The following NREP variants were observed in gnomAD, a reference collection of about 807,000 sequenced individuals.
NREP encodes the protein neuronal regeneration related protein.
In NREP, 5 loss-of-function variants were observed where a neutral mutation model predicts 8.6. The observed-to-expected ratio is 0.58, with a 90% CI of 0.30 to 1.22. The LOEUF is 1.22. NREP is among the 50% of genes most tolerant of loss of function. The probability of loss-of-function intolerance (pLI) is 0.07; values close to 1 mark genes in which losing one functional copy is unlikely to be tolerated. For synonymous variants in NREP, 27 were observed against 28.0 expected, an observed-to-expected ratio of 0.96 and a Z score of 0.11; for missense variants, 86 against 82.5, an observed-to-expected ratio of 1.04 and a Z score of -0.17.
chr5:111,780,048 AG>A (rs550402505), intron 2 of NREP, among the ~76,000 whole-genome samples: 91 of 152,326 alleles, frequency 6.0e-4, no homozygotes, highest in Non-Finnish European at 1.1e-3. Context: ...TGCAATGCAG[AG>A]GGGGAAATTG....
intron 2 of NREP, among the ~76,000 whole-genome samples, chr5:111,875,053 T>C (rs1452043550): frequency 4.6e-5 from 7 of 152,138 alleles, no homozygotes; most frequent in Admixed American, 3.3e-4. Flanking sequence ...TTCCAAAGAG[T>C]AGATTTGTAT....
upstream of NREP, chr5:111,757,735 G>T (rs889850749): frequency 9.0e-5 from 89 of 984,464 alleles, no homozygotes; most frequent in Non-Finnish European, 1.0e-4. Flanking sequence ...GCCCCGCCCC[G>T]GGAGCACGGC....
chr5:111,827,507 T>G (rs1752656855), intron 2 of NREP, among the ~76,000 whole-genome samples: 1 of 152,230 alleles, frequency 6.6e-6, no homozygotes. Flanking sequence ...CCATTTACAG[T>G]GCTTTTCCAG....
chr5:111,826,527 G>A (rs1053268512), intron 2 of NREP, among the ~76,000 whole-genome samples: 4 of 152,172 alleles, frequency 2.6e-5, no homozygotes, highest in East Asian at 3.9e-4. Flanking sequence ...AACTCCAGAC[G>A]CATCTGAACA....
intron 2 of NREP, among the ~76,000 whole-genome samples, chr5:111,903,793 T>C (rs558121494): frequency 7.9e-5 from 12 of 152,276 alleles, no homozygotes; most frequent in Admixed American, 5.2e-4. Flanking sequence ...ATTTCTTCTC[T>C]AGATTTTCCA....
chr5:111,804,573 A>T (rs1752091428), intron 2 of NREP, among the ~76,000 whole-genome samples: 1 of 152,222 alleles, frequency 6.6e-6, no homozygotes, highest in Non-Finnish European at 1.5e-5. Flanking sequence ...TCATGCAGAA[A>T]ATAATTTGTC....
At chr5:111,900,183 C>T (rs1306726147) in intron 2 of NREP, among the ~76,000 whole-genome samples, 2 of 151,796 alleles carry the variant, frequency 1.3e-5, no homozygotes, top group African/African-American at 2.4e-5. Context: ...AAGCAACATG[C>T]TCATGGGTCA....
At chr5:111,861,961 T>G (rs910768337) in intron 2 of NREP, among the ~76,000 whole-genome samples, 1 of 152,168 alleles carries the variant, frequency 6.6e-6, no homozygotes, top group Non-Finnish European at 1.5e-5. Flanking sequence ...ATTTTCTTAT[T>G]TACCTTTTTA....
chr5:111,914,430 TACCTTTCTC>T lies in NREP; in HGVS notation c.135+60835_135+60843del, dbSNP rs532494712. Among the ~76,000 whole-genome samples the T allele has an allele frequency of 5.2e-3, 793 of 152,276 alleles. 5 individuals are homozygous for T. Among genetic ancestry groups the T allele is most frequent in the Non-Finnish European group, 7.8e-3 (530 of 68,014 alleles). On this transcript the variant is annotated intron_variant, in intron 2 of 3. Transcript: ENST00000395634. ...CCACTTCCTTATTTGAAGGTGTTCT[TACCTTTCTC>T]AGCATTCCACAAGTTACTTCCTCCT...
intron 2 of NREP, among the ~76,000 whole-genome samples, chr5:111,805,968 TAGATTCCAC>T (rs1000381544): frequency 3.3e-5 from 5 of 151,292 alleles, no homozygotes; most frequent in African/African-American, 1.2e-4. Context: ...GTATGTTAAT[TAGATTCCAC>T]AGTGTACATG....
intron 2 of NREP, among the ~76,000 whole-genome samples, chr5:111,832,497 C>T (rs951449721): frequency 6.6e-6 from 1 of 152,102 alleles, no homozygotes; most frequent in Non-Finnish European, 1.5e-5. Flanking sequence ...CATCACTGCA[C>T]TCCTGCCTGG....
chr5:111,840,753 C>G (rs924153225), intron 2 of NREP, among the ~76,000 whole-genome samples: 2 of 152,032 alleles, frequency 1.3e-5, no homozygotes, highest in African/African-American at 4.8e-5. Flanking sequence ...CTTAACTCCA[C>G]AAGTCAAGGA....
intron 2 of NREP, among the ~76,000 whole-genome samples, chr5:111,904,509 T>C (rs1581206120): frequency 1.3e-5 from 2 of 152,124 alleles, no homozygotes; most frequent in Admixed American, 1.3e-4. Flanking sequence ...AATTATATAG[T>C]ATGTAGGCTT....
At chr5:111,799,950 C>T (rs1435226462) in intron 2 of NREP, among the ~76,000 whole-genome samples, 6 of 152,064 alleles carry the variant, frequency 3.9e-5, no homozygotes, top group East Asian at 3.9e-4. Flanking sequence ...GATGGAGTCT[C>T]GCTCCGTCAC....
intron 2 of NREP, among the ~76,000 whole-genome samples, chr5:111,930,966 T>A (rs1436723716): frequency 6.6e-6 from 1 of 152,226 alleles, no homozygotes; most frequent in Non-Finnish European, 1.5e-5. Context: ...ACTTATGCCA[T>A]CATTGTGCAT....
chr5:111,832,842 G>T (rs1369921400), intron 2 of NREP, among the ~76,000 whole-genome samples: 1 of 152,130 alleles, frequency 6.6e-6, no homozygotes, highest in African/African-American at 2.4e-5. Flanking sequence ...TGCCACCCAG[G>T]TGGTACCTTG....
intron 2 of NREP, among the ~76,000 whole-genome samples, chr5:111,781,510 G>A (rs1045999361): frequency 6.6e-6 from 1 of 152,154 alleles, no homozygotes; most frequent in African/African-American, 2.4e-5. Context: ...ACATCAGGCA[G>A]CACAGGCAGG....
At chr5:111,859,504 C>T (rs1431618637) in intron 2 of NREP, among the ~76,000 whole-genome samples, 1 of 151,994 alleles carries the variant, frequency 6.6e-6, no homozygotes, top group East Asian at 1.9e-4. Flanking sequence ...CTATTTAGTG[C>T]AAATTAGGAA....
intron 2 of NREP, among the ~76,000 whole-genome samples, chr5:111,967,956 A>G (rs1223369335): frequency 6.6e-6 from 1 of 152,212 alleles, no homozygotes; most frequent in Non-Finnish European, 1.5e-5. Flanking sequence ...AACTCCTATT[A>G]GGTTGGTGCA....
Sources: gnomAD v4.1 joint callset for allele counts (sites outside exome capture counted in the v4.1 genomes callset) on GRCh38, gnomAD v4.1.1 for gene constraint, MANE v1.5 for transcripts, NCBI Gene and HGNC (gene_info 2026-07-23, HGNC 2026-07-21) for gene names.